The following DCX variants were observed in gnomAD, a reference collection of about 807,000 sequenced individuals.
DCX encodes neuronal migration protein doublecortin.
Under a neutral mutation model 20.9 loss-of-function variants are expected in DCX, and 4 were observed. The ratio of observed to expected loss-of-function variants is 0.19; its 90% CI spans 0.09 to 0.44. DCX has a LOEUF of 0.44. DCX is among the 20% of genes least tolerant of loss of function. DCX has a pLI of 0.99. For missense variants in DCX, 133 were observed against 296.9 expected, an observed-to-expected ratio of 0.45 and a Z score of 4.06; for synonymous variants, 103 against 111.4, an observed-to-expected ratio of 0.92 and a Z score of 0.47.
At chrX:111,399,213 C>CATAT (rs761586513) in intron 3 of DCX, among the ~76,000 whole-genome samples, 15 of 108,363 alleles carry the variant, frequency 1.4e-4, no homozygotes, top group Admixed American at 1.2e-3. Context: ...GAATTATATG[C>CATAT]ATATATATAT....
chrX:111,405,690 T>A (rs1928155147), intron 2 of DCX, among the ~76,000 whole-genome samples: 1 of 109,938 alleles, frequency 9.1e-6, no homozygotes, highest in Non-Finnish European at 1.9e-5. Flanking sequence ...CTAAAAAAAA[T>A]AAATAAAATA....
chrX:111,401,797 T>G (rs1467483923), intron 2 of DCX, among the ~76,000 whole-genome samples: 1 of 112,401 alleles, frequency 8.9e-6, no homozygotes, highest in Non-Finnish European at 1.9e-5. Context: ...CTTTCAAAGT[T>G]AAAACATTTT....
intron 6 of DCX, among the ~76,000 whole-genome samples, chrX:111,304,337 C>T (rs749084486): frequency 7.1e-5 from 8 of 112,242 alleles, no homozygotes; most frequent in Admixed American, 9.4e-5. Flanking sequence ...TAAAAATCAA[C>T]CAAAAGCTTG....
At chrX:111,408,436 C>T (rs1408010888) in intron 2 of DCX, among the ~76,000 whole-genome samples, 1 of 109,705 alleles carries the variant, frequency 9.1e-6, no homozygotes, top group African/African-American at 3.3e-5. Flanking sequence ...GCCTGACTAA[C>T]ATGGAGAAAC....
At chrX:111,410,499 T>A in intron 1 of DCX, 79 bp from the exon 2 acceptor site, 1 of 1,149,655 alleles carries the variant, frequency 8.7e-7, no homozygotes, top group African/African-American at 1.8e-5. Context: ...AGAAGGGATT[T>A]TAAATATTAG....
intron 3 of DCX, among the ~76,000 whole-genome samples, chrX:111,357,426 T>A (rs1390000038): frequency 8.9e-6 from 1 of 111,962 alleles, no homozygotes; most frequent in East Asian, 2.8e-4. Flanking sequence ...ATGAAGGCTC[T>A]GCAGCCTCTC....
intron 3 of DCX, among the ~76,000 whole-genome samples, chrX:111,361,952 C>G (rs895486357): frequency 5.4e-5 from 6 of 111,912 alleles, no homozygotes; most frequent in Non-Finnish European, 5.6e-5. Context: ...TTAGTAACAA[C>G]TGTGAAGCTG....
chrX:111,322,728 T>C (rs2095089509), intron 5 of DCX, among the ~76,000 whole-genome samples: 2 of 112,215 alleles, frequency 1.8e-5, no homozygotes, highest in Admixed American at 9.5e-5. Flanking sequence ...CCTAGACCCA[T>C]CCATTAGGGG....
At chrX:111,326,102 C>T (rs1308926823) in intron 5 of DCX, among the ~76,000 whole-genome samples, 1 of 111,690 alleles carries the variant, frequency 9.0e-6, no homozygotes, top group African/African-American at 3.3e-5. Flanking sequence ...GGCTTTCTTT[C>T]TTATGAATTT....
intron 3 of DCX, 38 bp downstream of exon 3, chrX:111,400,952 T>C: frequency 8.6e-7 from 1 of 1,161,260 alleles, no homozygotes. Flanking sequence ...TCTAAGAATT[T>C]AGAAAAAACG....
At chrX:111,324,626 T>G (rs1480998514) in intron 5 of DCX, among the ~76,000 whole-genome samples, 1 of 112,019 alleles carries the variant, frequency 8.9e-6, no homozygotes, top group African/African-American at 3.2e-5. Context: ...AAGGTTGTTG[T>G]AAAGATTAAA....
chrX:111,364,078 G>T (rs948939479), intron 3 of DCX, among the ~76,000 whole-genome samples: 1 of 111,962 alleles, frequency 8.9e-6, no homozygotes, highest in African/African-American at 3.2e-5. Context: ...TGGAAATAGG[G>T]CTGGCTAATT....
chrX:111,377,300 C>A (rs1485199576), intron 3 of DCX, among the ~76,000 whole-genome samples: 2 of 111,965 alleles, frequency 1.8e-5, no homozygotes, highest in African/African-American at 6.5e-5. Context: ...AATAAAAATT[C>A]TTTACAGCTG....
chrX:111,409,931 T>A, intron 2 of DCX, 104 bp downstream of exon 2: 2 of 1,111,206 alleles, frequency 1.8e-6, no homozygotes, highest in Non-Finnish European at 2.5e-6. Flanking sequence ...ACCCGGTGTT[T>A]TGAAAAATAC....
chrX:111,301,981 A>ATG (rs1450184352), intron 6 of DCX, among the ~76,000 whole-genome samples: 1 of 109,865 alleles, frequency 9.1e-6, no homozygotes, highest in African/African-American at 3.3e-5. Context: ...TGGGGTGTGT[A>ATG]TGTGTGTGTG....
rs1921154900 is a variant in DCX at position 111,330,894 on chromosome X, G to C, written c.946+10C>G. ...AAGTCAGCGTGCACAGTTAGGAAAAGAGCACTCACCGTCTTGGTCGTTACC... is the reference window on the plus strand; with the variant it reads ...AAGTCAGCGTGCACAGTTAGGAAAACAGCACTCACCGTCTTGGTCGTTACC... On this transcript the variant is annotated intron_variant, in intron 5 of 6. Coordinates refer to ENST00000636035, the MANE Select transcript of DCX (RefSeq NM_001195553.2). The C allele has an allele frequency of 8.3e-7, 1 of 1,210,026 alleles. No individual in the cohort carries two copies. Among genetic ancestry groups the C allele is most frequent in the African/African-American group, 1.7e-5 (1 of 57,359 alleles).
At chrX:111,333,753 A>G (rs1050184332) in intron 3 of DCX, among the ~76,000 whole-genome samples, 2 of 111,870 alleles carry the variant, frequency 1.8e-5, no homozygotes, top group African/African-American at 6.5e-5. Flanking sequence ...ATCATGAGCA[A>G]TGGGTCCCAA....
At chrX:111,378,647 T>C (rs1317240654) in intron 3 of DCX, among the ~76,000 whole-genome samples, 1 of 110,960 alleles carries the variant, frequency 9.0e-6, no homozygotes, top group East Asian at 2.9e-4. Flanking sequence ...TCAGGGGCCA[T>C]TAGTAGCTTG....
intron 3 of DCX, among the ~76,000 whole-genome samples, chrX:111,358,120 G>T (rs1360555271): frequency 8.9e-6 from 1 of 112,074 alleles, no homozygotes; most frequent in Non-Finnish European, 1.9e-5. Context: ...GAACCAACGC[G>T]CCCGGCTGGA....
Sources: allele counts gnomAD v4.1 joint callset (sites outside exome capture counted in the v4.1 genomes callset), GRCh38; gene constraint gnomAD v4.1.1; transcripts MANE v1.5; gene names NCBI Gene and HGNC (gene_info 2026-07-23, HGNC 2026-07-21).